The following DYNC2H1 variants were observed in gnomAD, a reference collection of about 807,000 sequenced individuals.
DYNC2H1 encodes dynein cytoplasmic 2 heavy chain 1, also known as cytoplasmic dynein 2 heavy chain 1.
A neutral mutation model predicts 570.0 loss-of-function variants in DYNC2H1; 410 were observed. The ratio of observed to expected loss-of-function variants is 0.72; its 90% CI spans 0.66 to 0.78. The LOEUF is 0.78. Among genes scored for constraint, DYNC2H1 ranks in the 30% least tolerant of loss-of-function variants. The probability of loss-of-function intolerance (pLI) is 0.00; values close to 1 mark genes in which losing one functional copy is unlikely to be tolerated. For missense variants in DYNC2H1, 4,865 were observed against 5,046.4 expected (o/e 0.96, Z 1.09); for synonymous variants, 1,688 against 1,677.6 (o/e 1.01, Z -0.15).
At chr11:103,396,089 GA>G (rs1342302798) in intron 83 of DYNC2H1, among the ~76,000 whole-genome samples, 1 of 151,908 alleles carries the variant, frequency 6.6e-6, no homozygotes, top group Non-Finnish European at 1.5e-5. Context: ...ATATAATCTG[GA>G]AAAAATACCT....
At chr11:103,302,396 C>T (rs1257164057) in intron 75 of DYNC2H1, among the ~76,000 whole-genome samples, 6 of 151,998 alleles carry the variant, frequency 3.9e-5, no homozygotes, top group Admixed American at 3.3e-4. Flanking sequence ...TATTTTGCTT[C>T]CAGAGTACCT....
At chr11:103,114,339 G>A in intron 3 of DYNC2H1, 101 bp downstream of exon 3, 1 of 1,320,444 alleles carries the variant, frequency 7.6e-7, no homozygotes, top group Non-Finnish European at 1.0e-6. Context: ...AAATACTTTT[G>A]GAATTTCTCT....
At chr11:103,356,969 T>C (rs1940376652) in intron 82 of DYNC2H1, among the ~76,000 whole-genome samples, 1 of 152,168 alleles carries the variant, frequency 6.6e-6, no homozygotes, top group Admixed American at 6.5e-5. Flanking sequence ...AATGTTGAAG[T>C]TTAAAATGCT....
chr11:103,387,234 T>C (rs369877530), intron 83 of DYNC2H1, among the ~76,000 whole-genome samples: 4 of 152,162 alleles, frequency 2.6e-5, no homozygotes, highest in Non-Finnish European at 4.4e-5. Flanking sequence ...TTTTGATTTG[T>C]ATTTCTCTGA....
At chr11:103,178,118 G>A (rs1277931240) in intron 38 of DYNC2H1, among the ~76,000 whole-genome samples, 1 of 152,040 alleles carries the variant, frequency 6.6e-6, no homozygotes, top group Non-Finnish European at 1.5e-5. Flanking sequence ...ATATTATACT[G>A]CCTCAGAAAT....
At chr11:103,134,197 T>G in intron 14 of DYNC2H1, 124 bp from the exon 15 acceptor site, 1 of 714,158 alleles carries the variant, frequency 1.4e-6, no homozygotes, top group Non-Finnish European at 2.3e-6. Context: ...AGTATTGATA[T>G]GTCTTGTATA....
At chr11:103,172,315 C>T (rs531557964) in intron 34 of DYNC2H1, among the ~76,000 whole-genome samples, 2 of 152,200 alleles carry the variant, frequency 1.3e-5, no homozygotes, top group Non-Finnish European at 2.9e-5. Context: ...GAATCCTCTT[C>T]CCTGGGACCT....
At chr11:103,359,718 G>A (rs1321655894) in intron 83 of DYNC2H1, among the ~76,000 whole-genome samples, 1 of 146,238 alleles carries the variant, frequency 6.8e-6, no homozygotes, top group Non-Finnish European at 1.5e-5. Context: ...AGGTTGGAAG[G>A]CAATGGCATG....
chr11:103,182,389 T>C (rs927312800), intron 40 of DYNC2H1, among the ~76,000 whole-genome samples: 2 of 151,580 alleles, frequency 1.3e-5, no homozygotes, highest in Non-Finnish European at 1.5e-5. Context: ...AAAGGGATGG[T>C]GAGTTATTTG....
At chr11:103,216,437 T>C (rs1029354963) in intron 55 of DYNC2H1, among the ~76,000 whole-genome samples, 3 of 152,126 alleles carry the variant, frequency 2.0e-5, no homozygotes, top group Admixed American at 2.0e-4. Flanking sequence ...CAGCTACATA[T>C]AACTGTTTTC....
chr11:103,265,128 A>G (rs1865457220), intron 70 of DYNC2H1, among the ~76,000 whole-genome samples: 1 of 152,138 alleles, frequency 6.6e-6, no homozygotes, highest in South Asian at 2.1e-4. Flanking sequence ...ACCAAACACC[A>G]CATGTTCTCA....
intron 70 of DYNC2H1, among the ~76,000 whole-genome samples, chr11:103,272,964 A>G (rs1182254017): frequency 2.0e-5 from 3 of 152,072 alleles, no homozygotes; most frequent in Non-Finnish European, 2.9e-5. Flanking sequence ...ATTGAAATAA[A>G]TTGTCATTGA....
chr11:103,349,982 A>T (rs1350544962), intron 82 of DYNC2H1, among the ~76,000 whole-genome samples: 1 of 152,080 alleles, frequency 6.6e-6, no homozygotes, highest in Non-Finnish European at 1.5e-5. Flanking sequence ...TTAGAAAGAT[A>T]AACCACTGCA....
At chr11:103,358,449 A>G in intron 83 of DYNC2H1, 90 bp downstream of exon 83, 1 of 832,472 alleles carries the variant, frequency 1.2e-6, no homozygotes, top group Non-Finnish European at 2.0e-6. Flanking sequence ...CATACAAGTA[A>G]TCACATTGCA....
chr11:103,445,638 G>A (rs1157283398), intron 85 of DYNC2H1, among the ~76,000 whole-genome samples: 2 of 152,020 alleles, frequency 1.3e-5, no homozygotes, highest in Non-Finnish European at 1.5e-5. Context: ...GATATCAAAC[G>A]TGATTTCAAA....
At position 103,357,382 on chromosome 11, in the gene DYNC2H1, G is replaced by GT. The variant is rs533862791; in HGVS notation, c.12040-860dup. Among the ~76,000 whole-genome samples, 61 of 152,240 alleles carry GT rather than the reference G, an allele frequency of 4.0e-4. No individual in the cohort carries two copies. In the East Asian group the frequency reaches 0.012, roughly 29 times the overall value. ...CCCATACTTTTTTCATTAGAGCCTT[G>GT]TATGTAGAGGAAACATTGAAATTAC... On this transcript the variant is annotated intron_variant, in intron 82 of 88. Transcript: ENST00000375735.
chr11:103,196,701 G>C (rs1199125050), intron 47 of DYNC2H1, among the ~76,000 whole-genome samples: 1 of 152,126 alleles, frequency 6.6e-6, no homozygotes, highest in African/African-American at 2.4e-5. Flanking sequence ...AACTGAAAAG[G>C]ACTGGTAGTT....
In DYNC2H1 at chr11:103,114,199, A is replaced by C. The variant is rs1208361901; in HGVS notation, c.463A>C (p.Asn155His). The part of the protein sequence containing the change: ...LGIVLRRSDT[N>H]LTKLKFKEDD... The stretch of plus-strand genomic sequence containing the variant: ...TATAGTTCTACGAAGATCAGACACT[A>C]ACTTAACAAAATTGAAATTTAAGGA... Residue 155 changes from asparagine (N) to histidine (H), a missense_variant, in exon 3 of 89, where the codon AAC (asparagine) becomes CAC (histidine). Asn to His is a moderately conservative substitution (Grantham distance 68). Around this residue, in one of 5 missense-constraint regions of DYNC2H1, gnomAD observed 1,936 missense variants for 1,962.1 expected, o/e 0.99. Transcript: ENST00000375735. 2 of 1,599,384 alleles carry C rather than the reference A, an allele frequency of 1.3e-6. No individual in the cohort carries two copies. The highest frequency in any genetic ancestry group is 2.7e-5 in the African/African-American group (2 of 74,778).
At chr11:103,386,670 G>A (rs1941888965) in intron 83 of DYNC2H1, among the ~76,000 whole-genome samples, 1 of 151,932 alleles carries the variant, frequency 6.6e-6, no homozygotes, top group African/African-American at 2.4e-5. Flanking sequence ...CCCACAACAG[G>A]CCCCAGTGTG....
Sources: gnomAD v4.1 joint callset for allele counts (sites outside exome capture counted in the v4.1 genomes callset) on GRCh38, gnomAD v4.1.1 for gene constraint, gnomAD v4.1.1 regional missense constraint, MANE v1.5 for transcripts, NCBI Gene and HGNC (gene_info 2026-07-23, HGNC 2026-07-21) for gene names.